Variants in PRKCA observed in about 807,000 individuals in gnomAD.
PRKCA encodes protein kinase C alpha, also known as protein kinase C alpha type.
In PRKCA, 27 loss-of-function variants were observed where a neutral mutation model predicts 87.0. That is an observed-to-expected ratio of 0.31 (90% CI 0.23 to 0.43). The LOEUF is 0.43. PRKCA is among the 20% of genes least tolerant of loss of function. PRKCA has a pLI of 1.00. For synonymous variants in PRKCA, 329 were observed against 311.1 expected (o/e 1.06, Z -0.61); for missense variants, 518 against 852.3 (o/e 0.61, Z 4.88).
chr17:66,361,817 A>G (rs1226686198), intron 2 of PRKCA, among the ~76,000 whole-genome samples: 1 of 152,144 alleles, frequency 6.6e-6, no homozygotes, highest in Non-Finnish European at 1.5e-5. Flanking sequence ...AGTGGTTAAT[A>G]TTTCCTGAAC....
At chr17:66,568,041 G>A (rs986730256) in intron 3 of PRKCA, among the ~76,000 whole-genome samples, 6 of 152,180 alleles carry the variant, frequency 3.9e-5, no homozygotes, top group Non-Finnish European at 7.3e-5. Flanking sequence ...GAGGTCTGGC[G>A]TGGTGACTCA....
At chr17:66,726,263 A>C (rs1032833520) in intron 8 of PRKCA, among the ~76,000 whole-genome samples, 1 of 152,226 alleles carries the variant, frequency 6.6e-6, no homozygotes, top group Admixed American at 6.5e-5. Flanking sequence ...TGCAGGACAG[A>C]AAGCTCAGGT....
intron 4 of PRKCA, among the ~76,000 whole-genome samples, chr17:66,644,341 C>T (rs1211507987): frequency 6.6e-6 from 1 of 152,186 alleles, no homozygotes; most frequent in Non-Finnish European, 1.5e-5. Context: ...AGGAAGACTC[C>T]ACCTTGATGA....
intron 13 of PRKCA, among the ~76,000 whole-genome samples, chr17:66,759,695 C>T (rs1477105186): frequency 6.6e-6 from 1 of 152,034 alleles, no homozygotes; most frequent in Admixed American, 6.5e-5. Context: ...GCAAGAAATC[C>T]ACTTTAAGTA....
chr17:66,310,316 TA>T (rs1221811055), intron 2 of PRKCA, among the ~76,000 whole-genome samples: 1 of 152,104 alleles, frequency 6.6e-6, no homozygotes. Context: ...GCGTGAGAAT[TA>T]AGCTCTGTCA....
chr17:66,319,882 C>T (rs1905547521), intron 2 of PRKCA, among the ~76,000 whole-genome samples: 1 of 152,094 alleles, frequency 6.6e-6, no homozygotes, highest in Non-Finnish European at 1.5e-5. Flanking sequence ...GCTGGGATTA[C>T]AGGCGCCTGC....
chr17:66,532,390 G>A (rs1598745721), intron 3 of PRKCA, among the ~76,000 whole-genome samples: 1 of 104,894 alleles, frequency 9.5e-6, no homozygotes, highest in African/African-American at 3.0e-5. Context: ...TTTTGAGACA[G>A]AGTCTTGCTC....
rs185819258 is a variant in PRKCA, at chr17:66,713,614, C to G, written c.919-19074C>G. On this transcript the variant is annotated intron_variant, in intron 8 of 16. Coordinates refer to ENST00000413366, the MANE Select transcript of PRKCA (RefSeq NM_002737.3). ...TTATGAGGACAAGAAACAGGCTACT[C>G]TACCTGAGAAAGAAAATGTCACCCG... Among the ~76,000 whole-genome samples the G allele has an allele frequency of 1.5e-3, 229 of 152,316 alleles. 3 individuals are homozygous for G. Among genetic ancestry groups the G allele is most frequent in the African/African-American group, 5.3e-3 (221 of 41,564 alleles).
chr17:66,665,622 C>T (rs1234661129), intron 5 of PRKCA, among the ~76,000 whole-genome samples: 3 of 152,108 alleles, frequency 2.0e-5, no homozygotes, highest in Admixed American at 2.0e-4. Context: ...GGGTAGAGTA[C>T]TTCCCCACCC....
At chr17:66,440,009 T>C (rs1050453005) in intron 2 of PRKCA, among the ~76,000 whole-genome samples, 4 of 152,202 alleles carry the variant, frequency 2.6e-5, no homozygotes, top group Admixed American at 2.0e-4. Context: ...CTTTGTATTG[T>C]ATTAATATAT....
Position 66,689,090 on chromosome 17 carries a change from G to A in PRKCA, c.918+43G>A. ...CCCGGAAACACCTTTCCTTTAGAAA[G>A]CCCAACTTCAGGAACGGCCGAGATG... On this transcript the variant is annotated intron_variant, in intron 8 of 16. Transcript: ENST00000413366. This position sits in a 1 kb window ranked among gnomAD's most constrained non-coding sequence, Gnocchi z 4.1. 1 of 1,339,342 alleles carries A rather than the reference G, an allele frequency of 7.5e-7. No individual in the cohort carries two copies. The highest frequency in any genetic ancestry group is 1.8e-4 in the Middle Eastern group (1 of 5,486). 83.0% of individuals were successfully genotyped at this position (1,339,342 alleles called of 1,614,324 possible).
In PRKCA at chr17:66,637,121, T is replaced by A. The variant is rs1006841; in HGVS notation, c.289-4234T>A. Among the ~76,000 whole-genome samples the A allele has an allele frequency of 6.1e-3, 934 of 152,050 alleles. 13 individuals are homozygous for A. The highest frequency in any genetic ancestry group is 0.02 in the African/African-American group (821 of 41,468). ...CCTCCAAACGGTGAGAACCTGAAGGTGCCATATGGCTGTTGCGTGAGTAAG... is the reference window on the plus strand; with the variant it reads ...CCTCCAAACGGTGAGAACCTGAAGGAGCCATATGGCTGTTGCGTGAGTAAG... On this transcript the variant is annotated intron_variant, in intron 3 of 16. Coordinates refer to ENST00000413366, the MANE Select transcript of PRKCA (RefSeq NM_002737.3).
chr17:66,346,538 C>G (rs888310672), intron 2 of PRKCA, among the ~76,000 whole-genome samples: 2 of 151,924 alleles, frequency 1.3e-5, no homozygotes, highest in African/African-American at 4.8e-5. Context: ...CGCCACTGTG[C>G]CTGGCTGTTG....
chr17:66,619,830 G>A (rs1970624077), intron 3 of PRKCA, among the ~76,000 whole-genome samples: 1 of 152,218 alleles, frequency 6.6e-6, no homozygotes, highest in African/African-American at 2.4e-5. Context: ...AGCTGCCTGT[G>A]TCATGTCCAG....
At chr17:66,319,240 A>C (rs959918881) in intron 2 of PRKCA, among the ~76,000 whole-genome samples, 1 of 152,032 alleles carries the variant, frequency 6.6e-6, no homozygotes, top group African/African-American at 2.4e-5. Flanking sequence ...TTTTTTGTTT[A>C]ATTTTCTGAG....
At chr17:66,306,272 T>A in intron 2 of PRKCA, 145 bp downstream of exon 2, 2 of 804,802 alleles carry the variant, frequency 2.5e-6, no homozygotes, top group South Asian at 1.9e-5. Flanking sequence ...AATTTGGGCC[T>A]TAAAAAATAA....
intron 2 of PRKCA, among the ~76,000 whole-genome samples, chr17:66,422,432 T>A (rs1260789850): frequency 1.3e-5 from 2 of 152,238 alleles, no homozygotes; most frequent in Non-Finnish European, 2.9e-5. Context: ...GAGCATAGCG[T>A]AAGCCCTCAA....
Position 66,810,468 on chromosome 17 carries a change from A to G in PRKCA, c.*6431A>G, listed in dbSNP as rs1348598743. On this transcript the variant is annotated 3_prime_UTR_variant, in exon 17 of 17. Coordinates refer to ENST00000413366, the MANE Select transcript of PRKCA (RefSeq NM_002737.3). ...AGGACATACCACGTTTAAATCATTA[A>G]TTGAAAAACATCATATAAGCCCCAA... 1.3e-5 allele frequency: 2 copies of G among 152,244 alleles called. No homozygotes were observed. The highest frequency in any genetic ancestry group is 2.9e-5 in the Non-Finnish European group (2 of 68,034). 9.4% of individuals were successfully genotyped at this position (152,244 alleles called of 1,614,324 possible).
intron 3 of PRKCA, among the ~76,000 whole-genome samples, chr17:66,510,466 C>A (rs1013250588): frequency 6.6e-6 from 1 of 152,086 alleles, no homozygotes; most frequent in African/African-American, 2.4e-5. Flanking sequence ...TTGTCACCTG[C>A]GTATTTTAGG....
Sources: allele counts gnomAD v4.1 joint callset (sites outside exome capture counted in the v4.1 genomes callset), GRCh38; gene constraint gnomAD v4.1.1; non-coding constraint Gnocchi (gnomAD v3.1); transcripts MANE v1.5; gene names NCBI Gene and HGNC (gene_info 2026-07-23, HGNC 2026-07-21).